CPNE8: variants seen among roughly 807,000 people sequenced by gnomAD.
The protein encoded by CPNE8 is copine 8.
In CPNE8, 45 loss-of-function variants were observed where a neutral mutation model predicts 81.5. That is an observed-to-expected ratio of 0.55 (90% CI 0.44 to 0.71). CPNE8 has a LOEUF of 0.71. Among genes scored for constraint, CPNE8 ranks in the 30% least tolerant of loss-of-function variants. The pLI is 0.00. For missense variants in CPNE8, 594 were observed against 672.1 expected (o/e 0.88, Z 1.28); for synonymous variants, 252 against 226.3 (o/e 1.11, Z -1.02).
chr12:38,657,503 G>C (rs1938848261), intron 19 of CPNE8, among the ~76,000 whole-genome samples: 2 of 152,104 alleles, frequency 1.3e-5, no homozygotes, highest in African/African-American at 4.8e-5. Flanking sequence ...ATCCCTGTCT[G>C]ACAGCCCTGG....
chr12:38,707,452 AAGAG>A lies in CPNE8; in HGVS notation c.915-4535_915-4532del, dbSNP rs1004062922. ...GTAGAAAAGAAGACAAGATAAGAGA[AAGAG>A]AGAGGAGGGAAGGAAGGTAAGAAGG... On this transcript the variant is annotated intron_variant, in intron 13 of 19. Transcript: ENST00000331366. Among the ~76,000 whole-genome samples, 12 of 152,068 alleles carry A rather than the reference AAGAG, an allele frequency of 7.9e-5. No individual in the cohort carries two copies. In the East Asian group the frequency reaches 1.9e-3, roughly 24 times the overall value.
chr12:38,789,283 C>G (rs1487072350), intron 6 of CPNE8, among the ~76,000 whole-genome samples: 3 of 151,644 alleles, frequency 2.0e-5, no homozygotes, highest in Non-Finnish European at 4.4e-5. Flanking sequence ...AATAGAGAAC[C>G]CAGAAACCAA....
At chr12:38,731,963 T>C (rs539559081) in intron 10 of CPNE8, among the ~76,000 whole-genome samples, 1 of 152,010 alleles carries the variant, frequency 6.6e-6, no homozygotes, top group South Asian at 2.1e-4. Context: ...CCTCCTCCAT[T>C]GCTATGCAAG....
At chr12:38,886,885 G>C (rs953249814) in intron 1 of CPNE8, among the ~76,000 whole-genome samples, 1 of 152,160 alleles carries the variant, frequency 6.6e-6, no homozygotes, top group Non-Finnish European at 1.5e-5. Context: ...GGCCCACACA[G>C]TCTGGAGCCT....
chr12:38,784,228 G>A (rs1290801082), intron 6 of CPNE8, among the ~76,000 whole-genome samples: 1 of 152,172 alleles, frequency 6.6e-6, no homozygotes, highest in Non-Finnish European at 1.5e-5. Flanking sequence ...GCATACTGAA[G>A]AATGCATCAG....
intron 6 of CPNE8, among the ~76,000 whole-genome samples, chr12:38,796,562 G>A (rs764594170): frequency 2.6e-5 from 4 of 152,110 alleles, no homozygotes; most frequent in Non-Finnish European, 5.9e-5. Context: ...AAAAAGGGAG[G>A]CAGCCAAGAT....
chr12:38,755,695 T>G (rs11169407), intron 10 of CPNE8, among the ~76,000 whole-genome samples: 123,589 of 152,116 alleles, frequency 0.81, 52,948 homozygotes, highest in Middle Eastern at 0.97. Flanking sequence ...TTAATACCAA[T>G]GTCAAGCAAT....
chr12:38,886,606 T>A (rs1027935158), intron 1 of CPNE8, among the ~76,000 whole-genome samples: 1 of 152,206 alleles, frequency 6.6e-6, no homozygotes, highest in Admixed American at 6.5e-5. Context: ...TAAGCCCTGA[T>A]CTCAAGTCCA....
intron 7 of CPNE8, among the ~76,000 whole-genome samples, chr12:38,775,947 A>G (rs1332554495): frequency 6.6e-6 from 1 of 152,224 alleles, no homozygotes; most frequent in Non-Finnish European, 1.5e-5. Flanking sequence ...ACTGATTGGT[A>G]TAACTGACTA....
At chr12:38,674,375 T>C (rs190570746) in intron 18 of CPNE8, among the ~76,000 whole-genome samples, 30 of 152,236 alleles carry the variant, frequency 2.0e-4, no homozygotes, top group Admixed American at 1.7e-3. Context: ...GATATACCCA[T>C]GAAAGATACA....
chr12:38,904,550 C>A (rs1394347725), intron 1 of CPNE8, among the ~76,000 whole-genome samples: 3 of 147,772 alleles, frequency 2.0e-5, no homozygotes, highest in Non-Finnish European at 4.4e-5. Context: ...CTCATTGCAA[C>A]ATCCACATCC....
At chr12:38,753,376 T>C (rs1941392082) in intron 10 of CPNE8, among the ~76,000 whole-genome samples, 1 of 152,106 alleles carries the variant, frequency 6.6e-6, no homozygotes, top group Non-Finnish European at 1.5e-5. Flanking sequence ...CACCTGAATC[T>C]GGGAAGCAGA....
intron 1 of CPNE8, among the ~76,000 whole-genome samples, chr12:38,887,939 A>G (rs951889898): frequency 1.3e-5 from 2 of 152,216 alleles, no homozygotes; most frequent in South Asian, 4.1e-4. Context: ...CTAACAGCTA[A>G]GTGGACAATG....
intron 6 of CPNE8, among the ~76,000 whole-genome samples, chr12:38,785,059 A>C (rs529467299): frequency 6.6e-6 from 1 of 152,040 alleles, no homozygotes; most frequent in Non-Finnish European, 1.5e-5. Context: ...GCTGGGTGCG[A>C]TGGCACGTGC....
intron 1 of CPNE8, among the ~76,000 whole-genome samples, chr12:38,896,930 A>G (rs1035880377): frequency 1.3e-5 from 2 of 152,118 alleles, no homozygotes; most frequent in East Asian, 3.9e-4. Context: ...GATAAGACTA[A>G]TAGCCAGTTA....
chr12:38,882,872 A>C (rs970685685), intron 1 of CPNE8, among the ~76,000 whole-genome samples: 2 of 152,126 alleles, frequency 1.3e-5, no homozygotes, highest in Admixed American at 1.3e-4. Context: ...CTACACTTAG[A>C]CGTTTTACCC....
chr12:38,808,791 A>T (rs1163993527), intron 6 of CPNE8, among the ~76,000 whole-genome samples: 2 of 151,822 alleles, frequency 1.3e-5, no homozygotes, highest in Non-Finnish European at 2.9e-5. Context: ...TATATAAAAA[A>T]ATGCTTAAAA....
At chr12:38,812,159 C>T (rs1454396530) in intron 6 of CPNE8, among the ~76,000 whole-genome samples, 1 of 152,180 alleles carries the variant, frequency 6.6e-6, no homozygotes, top group Non-Finnish European at 1.5e-5. Flanking sequence ...GTGGCAGGAA[C>T]TGGGTCTACT....
At chr12:38,830,271 T>C (rs954554925) in intron 5 of CPNE8, among the ~76,000 whole-genome samples, 1 of 152,160 alleles carries the variant, frequency 6.6e-6, no homozygotes, top group African/African-American at 2.4e-5. Context: ...TGCATACACC[T>C]ACTATGTACT....
Sources: gnomAD v4.1 joint callset for allele counts (sites outside exome capture counted in the v4.1 genomes callset) on GRCh38, gnomAD v4.1.1 for gene constraint, MANE v1.5 for transcripts, NCBI Gene and HGNC (gene_info 2026-07-23, HGNC 2026-07-21) for gene names.